Variants in KCNQ1 observed in about 807,000 individuals in gnomAD.
KCNQ1 encodes potassium voltage-gated channel subfamily KQT member 1.
KCNQ1 carries 49 observed loss-of-function variants against 72.4 expected under a neutral mutation model. The ratio of observed to expected loss-of-function variants is 0.68; its 90% CI spans 0.54 to 0.86. The LOEUF is 0.86. Ranked by LOEUF, KCNQ1 falls within the 40% of genes least tolerant of loss-of-function variation. The pLI is 0.00. For synonymous variants in KCNQ1, 450 were observed against 412.6 expected, an observed-to-expected ratio of 1.09 and a Z score of -1.10; for missense variants, 790 against 945.1, an observed-to-expected ratio of 0.84 and a Z score of 2.15.
Position 2,627,310 on chromosome 11 carries a change from G to A in KCNQ1, c.1394-34651G>A, listed in dbSNP as rs765768279. On this transcript the variant is annotated intron_variant, in intron 10 of 15. Coordinates refer to ENST00000155840, the MANE Select transcript of KCNQ1 (RefSeq NM_000218.3). The surrounding 1 kb of genome is among the most constrained non-coding windows in gnomAD (Gnocchi z 4.9). ...CCTTACATAGTTGCCATGTGTGTGC[G>A]TGTGTGTGGTCAGAATACCTAAGCT... 1.0e-4 allele frequency: 41 copies of A among 398,426 alleles called. No individual in the cohort carries two copies. The highest frequency in any genetic ancestry group is 2.5e-4 in the African/African-American group (12 of 48,668). 24.7% of individuals were successfully genotyped at this position (398,426 alleles called of 1,614,324 possible).
At position 2,762,627 on chromosome 11, in the gene KCNQ1, A is replaced by G. The variant is rs1424411793; in HGVS notation, c.1515-6217A>G. Among the ~76,000 whole-genome samples, 2 of 152,218 alleles carry G rather than the reference A, an allele frequency of 1.3e-5. No homozygotes were observed. Among genetic ancestry groups the G allele is most frequent in the Non-Finnish European group, 2.9e-5 (2 of 68,050 alleles). On this transcript the variant is annotated intron_variant, in intron 11 of 15. Transcript: ENST00000155840. This position sits in a 1 kb window ranked among gnomAD's most constrained non-coding sequence, Gnocchi z 4.3. ...TGCAGCAGGAGGTGAGCGGTTGGCA[A>G]GTGAACGTGATCACCTGAGCTCCGC...
chr11:2,465,818 T>C (rs926954072), intron 1 of KCNQ1, among the ~76,000 whole-genome samples: 2 of 152,216 alleles, frequency 1.3e-5, no homozygotes, highest in Non-Finnish European at 2.9e-5. Flanking sequence ...ACGGCTCCCC[T>C]TGGGCCTTGG....
chr11:2,805,298 C>T (rs1847349325), intron 15 of KCNQ1, among the ~76,000 whole-genome samples: 1 of 152,218 alleles, frequency 6.6e-6, no homozygotes, highest in Non-Finnish European at 1.5e-5. Context: ...CCCCTCCCTG[C>T]CTGCCCAAAG....
At chr11:2,833,248 C>T (rs1590118244) in intron 15 of KCNQ1, among the ~76,000 whole-genome samples, 4 of 152,318 alleles carry the variant, frequency 2.6e-5, no homozygotes, top group African/African-American at 9.6e-5. Context: ...CCCCTTCTTG[C>T]TTCCCTGAGG....
intron 11 of KCNQ1, among the ~76,000 whole-genome samples, chr11:2,722,732 A>G (rs1233725619): frequency 1.3e-5 from 2 of 151,762 alleles, no homozygotes; most frequent in African/African-American, 4.8e-5. Context: ...AGCCTCTTGG[A>G]ACTTAGTGAG....
At chr11:2,572,452 G>GGGCTGCACTCAGATGGGTTCA (rs1298058506) in intron 5 of KCNQ1, among the ~76,000 whole-genome samples, 1 of 152,222 alleles carries the variant, frequency 6.6e-6, no homozygotes, top group Non-Finnish European at 1.5e-5. Flanking sequence ...TCCCTCCCGA[G>GGGCTGCACTCAGATGGGTTCA]GGCTGCACTC....
At position 2,673,141 on chromosome 11, in the gene KCNQ1, C is replaced by A; in HGVS notation, c.1514+11060C>A. 2.5e-6 allele frequency: 1 copy of A among 398,726 alleles called. No homozygotes were observed. The allele number at this position is 398,726 out of a possible 1,614,324, so 24.7% of individuals were successfully genotyped here. A position where few individuals can be genotyped will look rare whatever the true frequency, so the allele number is the denominator to read the frequency against. ...GGCAGCATCAGGGCAGGGGTGCTGA[C>A]CATCCCTGACCCAAGCACGAGGATC... On this transcript the variant is annotated intron_variant, in intron 11 of 15. Coordinates refer to ENST00000155840, the MANE Select transcript of KCNQ1 (RefSeq NM_000218.3). This position sits in a 1 kb window ranked among gnomAD's most constrained non-coding sequence, Gnocchi z 4.5.
chr11:2,461,607 T>C, intron 1 of KCNQ1: 1 of 1,362,412 alleles, frequency 7.3e-7, no homozygotes, highest in Non-Finnish European at 9.8e-7. Context: ...GCCCCTGCTC[T>C]CACCCACAAC....
Position 2,447,532 on chromosome 11 carries a change from C to T in KCNQ1, c.386+2048C>T, listed in dbSNP as rs2133563271. 6.6e-6 allele frequency among the ~76,000 whole-genome samples: 1 copy of T among 152,226 alleles called. No homozygotes were observed. Among genetic ancestry groups the T allele is most frequent in the Non-Finnish European group, 1.5e-5 (1 of 68,002 alleles). On this transcript the variant is annotated intron_variant, in intron 1 of 15. Coordinates refer to ENST00000155840, the MANE Select transcript of KCNQ1 (RefSeq NM_000218.3). This position sits in a 1 kb window ranked among gnomAD's most constrained non-coding sequence, Gnocchi z 7.6. ...GGGGCCTGGGAGATGCGCTCCCACC[C>T]TCAGTGCCCTAGGAGGTTGGCAGGA...
intron 10 of KCNQ1, chr11:2,637,276 G>A (rs1849487030): frequency 6.6e-6 from 1 of 151,866 alleles, no homozygotes; most frequent in South Asian, 2.1e-4. Context: ...GTGATGTTAG[G>A]GCATCAATTT....
chr11:2,780,652 G>T (rs1846807290), intron 15 of KCNQ1, among the ~76,000 whole-genome samples: 3 of 152,222 alleles, frequency 2.0e-5, no homozygotes, highest in Admixed American at 1.3e-4. Flanking sequence ...AGGATGAGAG[G>T]TCTCCGGGAT....
chr11:2,714,805 C>T (rs571355960), intron 11 of KCNQ1, among the ~76,000 whole-genome samples: 10 of 152,244 alleles, frequency 6.6e-5, no homozygotes, highest in Admixed American at 1.3e-4. Flanking sequence ...CCAATGGTGG[C>T]ATCCCTTCCC....
chr11:2,568,772 C>G (rs760527774), intron 2 of KCNQ1, among the ~76,000 whole-genome samples: 3 of 152,228 alleles, frequency 2.0e-5, no homozygotes, highest in African/African-American at 4.8e-5. Context: ...GGACCTCAGC[C>G]TAGAGCCCTG....
Position 2,755,769 on chromosome 11 carries a change from A to G in KCNQ1, c.1515-13075A>G, listed in dbSNP as rs1325698187. On this transcript the variant is annotated intron_variant, in intron 11 of 15. Transcript: ENST00000155840. ...TATTCACAATACAATGAATTGATAA[A>G]GAATTGGTGTATGTATAACTAATAC... Among the ~76,000 whole-genome samples, 3 of 152,374 alleles carry G rather than the reference A, an allele frequency of 2.0e-5. No individual in the cohort carries two copies. In the East Asian group the frequency reaches 5.8e-4, roughly 29 times the overall value.
Position 2,687,144 on chromosome 11 carries a change from G to A in KCNQ1, c.1514+25063G>A, listed in dbSNP as rs560846750. ...CTGCACAGGGAGGGGAGGAATCTGA[G>A]CCAGCTTCCTCCACAAAGCACAGAA... On this transcript the variant is annotated intron_variant, in intron 11 of 15. Coordinates refer to ENST00000155840, the MANE Select transcript of KCNQ1 (RefSeq NM_000218.3). The surrounding 1 kb of genome is among the most constrained non-coding windows in gnomAD (Gnocchi z 5.0). 1.0e-4 allele frequency: 41 copies of A among 398,652 alleles called. No individual in the cohort carries two copies. The highest frequency in any genetic ancestry group is 8.0e-4 in the African/African-American group (39 of 48,752). 24.7% of individuals were successfully genotyped at this position (398,652 alleles called of 1,614,324 possible).
At position 2,515,113 on chromosome 11, in the gene KCNQ1, G is replaced by A. The variant is rs1044926741; in HGVS notation, c.387-12815G>A. ...ATGGTGGGGTTTGGGCTTCTCGTGC[G>A]CCCATCAGCCGGATATTGGACGTTA... On this transcript the variant is annotated intron_variant, in intron 1 of 15. Transcript: ENST00000155840. This position sits in a 1 kb window ranked among gnomAD's most constrained non-coding sequence, Gnocchi z 4.7. Among the ~76,000 whole-genome samples the A allele has an allele frequency of 3.3e-5, 5 of 152,094 alleles. No homozygotes were observed. Among genetic ancestry groups the A allele is most frequent in the African/African-American group, 9.7e-5 (4 of 41,398 alleles).
chr11:2,539,940 G>C (rs1847796450), intron 2 of KCNQ1, among the ~76,000 whole-genome samples: 1 of 152,346 alleles, frequency 6.6e-6, no homozygotes, highest in African/African-American at 2.4e-5. Flanking sequence ...CAGCTGGAGA[G>C]CCTCGCTTGA....
intron 10 of KCNQ1, chr11:2,636,208 C>T (rs1487199245): frequency 6.6e-6 from 1 of 152,232 alleles, no homozygotes; most frequent in African/African-American, 2.4e-5. Context: ...TTGGCCAGAA[C>T]TTCCAACACT....
chr11:2,551,672 G>T (rs1158392193), intron 2 of KCNQ1, among the ~76,000 whole-genome samples: 1 of 152,220 alleles, frequency 6.6e-6, no homozygotes, highest in African/African-American at 2.4e-5. Flanking sequence ...CGAAGAAACT[G>T]CCAAAGCATT....
Sources: allele counts gnomAD v4.1 joint callset (sites outside exome capture counted in the v4.1 genomes callset), GRCh38; gene constraint gnomAD v4.1.1; non-coding constraint Gnocchi (gnomAD v3.1); transcripts MANE v1.5; gene names NCBI Gene and HGNC (gene_info 2026-07-23, HGNC 2026-07-21).